Variants in GALNTL6 observed in about 807,000 individuals in gnomAD.
The protein encoded by GALNTL6 is polypeptide N-acetylgalactosaminyltransferase-like 6.
In GALNTL6, 46 loss-of-function variants were observed where a neutral mutation model predicts 73.7. The ratio of observed to expected loss-of-function variants is 0.62; its 90% CI spans 0.49 to 0.80. The LOEUF (loss-of-function observed/expected upper bound fraction) is 0.80, where lower values mean the gene tolerates loss of function less well. Ranked by LOEUF, GALNTL6 falls within the 30% of genes least tolerant of loss-of-function variation. The pLI is 0.00. For synonymous variants in GALNTL6, 259 were observed against 263.7 expected (o/e 0.98, Z 0.17); for missense variants, 604 against 755.0 (o/e 0.80, Z 2.34).
chr4:173,012,888 A>G (rs1226820692), intron 11 of GALNTL6, among the ~76,000 whole-genome samples: 2 of 152,178 alleles, frequency 1.3e-5, no homozygotes, highest in Non-Finnish European at 2.9e-5. Context: ...CTATAATCCC[A>G]GCACTTTGGG....
intron 5 of GALNTL6, among the ~76,000 whole-genome samples, chr4:172,471,816 TG>T (rs1272277018): frequency 6.6e-6 from 1 of 152,228 alleles, no homozygotes; most frequent in African/African-American, 2.4e-5. Flanking sequence ...CTATTTATTA[TG>T]TTACACATTT....
At chr4:172,271,834 G>A (rs1738665814) in intron 3 of GALNTL6, among the ~76,000 whole-genome samples, 1 of 151,924 alleles carries the variant, frequency 6.6e-6, no homozygotes, top group African/African-American at 2.4e-5. Flanking sequence ...AAGGGAAAAT[G>A]TAATAAAGAA....
intron 2 of GALNTL6, among the ~76,000 whole-genome samples, chr4:172,045,987 G>A (rs986082538): frequency 6.6e-5 from 10 of 151,904 alleles, no homozygotes; most frequent in African/African-American, 2.2e-4. Context: ...TTAGTATAAT[G>A]TTCTGCAATA....
At chr4:172,541,761 T>C (rs996506487) in intron 5 of GALNTL6, among the ~76,000 whole-genome samples, 3 of 152,164 alleles carry the variant, frequency 2.0e-5, no homozygotes, top group African/African-American at 7.2e-5. Context: ...CGAAGTTGTA[T>C]GCATGCTCAC....
rs889106172 is a variant in GALNTL6, at chr4:172,501,794, T to C, written c.553+153105T>C. 2.6e-5 allele frequency among the ~76,000 whole-genome samples: 4 copies of C among 152,264 alleles called. No individual in the cohort carries two copies. The East Asian group carries it at 5.8e-4, about 22-fold the overall frequency. On this transcript the variant is annotated intron_variant, in intron 5 of 12. Coordinates refer to ENST00000506823, the MANE Select transcript of GALNTL6 (RefSeq NM_001034845.3). ...AAAATTAAACTATCTTCCCAAAATA[T>C]GTATAAGCCTCCTATAGTTGACTAT...
At chr4:172,021,562 G>A (rs972917232) in intron 2 of GALNTL6, among the ~76,000 whole-genome samples, 2 of 151,746 alleles carry the variant, frequency 1.3e-5, no homozygotes, top group African/African-American at 4.8e-5. Context: ...AAAATACCAA[G>A]GTCATTCTTC....
rs539898380 is a variant in GALNTL6, at chr4:172,246,516, G to A, written c.247+16752G>A. ...TTTATAATAGAAATAAATGTATGCA[G>A]CTTAATAAAATACTTTATAAACCTT... is the stretch of plus-strand genomic sequence containing the variant. On this transcript the variant is annotated intron_variant, in intron 3 of 12. Transcript: ENST00000506823. 6.6e-5 allele frequency among the ~76,000 whole-genome samples: 10 copies of A among 152,042 alleles called. No homozygotes were observed. The East Asian group carries it at 1.9e-3, about 29-fold the overall frequency.
chr4:172,231,329 T>C (rs1737065133), intron 3 of GALNTL6, among the ~76,000 whole-genome samples: 1 of 152,214 alleles, frequency 6.6e-6, no homozygotes, highest in Middle Eastern at 3.2e-3. Context: ...ATTTACTGAA[T>C]GGATGTTTTA....
At chr4:172,044,585 C>T (rs1462328180) in intron 2 of GALNTL6, among the ~76,000 whole-genome samples, 1 of 151,872 alleles carries the variant, frequency 6.6e-6, no homozygotes, top group African/African-American at 2.4e-5. Flanking sequence ...TATTGTACTA[C>T]TATTCAACAA....
rs200223937 is a variant in GALNTL6, at chr4:172,155,001, CT to C, written c.139-74641del. Among the ~76,000 whole-genome samples the C allele has an allele frequency of 2.3e-3, 328 of 143,838 alleles. 1 individual carries two copies. The highest frequency in any genetic ancestry group is 0.021 in the East Asian group (104 of 4,926). 94.4% of individuals were successfully genotyped at this position (143,838 alleles called of 152,430 possible). On this transcript the variant is annotated intron_variant, in intron 2 of 12. Transcript: ENST00000506823. ...ATTAAATTAATAAGGAAATCGTATC[CT>C]TTTTTTTTTTTTTGAGACGTAGTCT...
intron 2 of GALNTL6, among the ~76,000 whole-genome samples, chr4:171,872,387 G>A (rs1053863807): frequency 3.9e-5 from 6 of 152,144 alleles, no homozygotes; most frequent in South Asian, 2.1e-4. Context: ...TATGAAAATC[G>A]TTCCTAAGAA....
chr4:171,920,180 G>A (rs754522435), intron 2 of GALNTL6, among the ~76,000 whole-genome samples: 1 of 151,962 alleles, frequency 6.6e-6, no homozygotes, highest in Non-Finnish European at 1.5e-5. Context: ...ATTGCAAAAT[G>A]AGAACACATG....
chr4:173,035,908 G>A (rs1753678147), intron 12 of GALNTL6, among the ~76,000 whole-genome samples: 1 of 152,184 alleles, frequency 6.6e-6, no homozygotes, highest in African/African-American at 2.4e-5. Context: ...AACTAGGGAT[G>A]CTCCCTGACT....
chr4:172,671,817 G>C (rs1732002662), intron 5 of GALNTL6, among the ~76,000 whole-genome samples: 1 of 151,996 alleles, frequency 6.6e-6, no homozygotes, highest in Non-Finnish European at 1.5e-5. Context: ...TTATTGTTTT[G>C]AAATATGTTC....
In GALNTL6 at chr4:172,248,226, C is replaced by T. The variant is rs145123554; in HGVS notation, c.247+18462C>T. Among the ~76,000 whole-genome samples, 574 of 152,108 alleles carry T rather than the reference C, an allele frequency of 3.8e-3. 5 individuals carry two copies. Among genetic ancestry groups the T allele is most frequent in the African/African-American group, 0.012 (518 of 41,498 alleles). On this transcript the variant is annotated intron_variant, in intron 3 of 12. Coordinates refer to ENST00000506823, the MANE Select transcript of GALNTL6 (RefSeq NM_001034845.3). ...TATTTTAACATGATCATGAAAGTAC[C>T]GAAAAGCAGAAAATACTTTCATTAG...
intron 2 of GALNTL6, among the ~76,000 whole-genome samples, chr4:172,048,185 A>G (rs565721734): frequency 3.3e-5 from 5 of 152,176 alleles, no homozygotes; most frequent in Non-Finnish European, 7.3e-5. Context: ...TGAGTGGAAT[A>G]ACTTGGGTGA....
chr4:172,848,718 G>C (rs1266860998), intron 7 of GALNTL6, among the ~76,000 whole-genome samples: 1 of 152,134 alleles, frequency 6.6e-6, no homozygotes, highest in Non-Finnish European at 1.5e-5. Context: ...CTCCAACCTT[G>C]TCCTCCAAAT....
At chr4:172,987,287 C>T (rs528032314) in intron 10 of GALNTL6, among the ~76,000 whole-genome samples, 1 of 152,182 alleles carries the variant, frequency 6.6e-6, no homozygotes, top group East Asian at 1.9e-4. Context: ...GCAAACACAT[C>T]CTTATTCACA....
At chr4:172,578,216 A>G (rs573003055) in intron 5 of GALNTL6, among the ~76,000 whole-genome samples, 1 of 152,292 alleles carries the variant, frequency 6.6e-6, no homozygotes, top group South Asian at 2.1e-4. Flanking sequence ...TTTCTCACAA[A>G]AGCCAAGGAT....
Sources: gnomAD v4.1 joint callset for allele counts (sites outside exome capture counted in the v4.1 genomes callset) on GRCh38, gnomAD v4.1.1 for gene constraint, MANE v1.5 for transcripts, NCBI Gene and HGNC (gene_info 2026-07-23, HGNC 2026-07-21) for gene names.